The following CCDC85A variants were observed in gnomAD, a reference collection of about 807,000 sequenced individuals.
CCDC85A encodes the protein coiled-coil domain-containing protein 85A.
CCDC85A carries 38 observed loss-of-function variants against 50.2 expected under a neutral mutation model. That is an observed-to-expected ratio of 0.76 (90% CI 0.58 to 0.99). The LOEUF (loss-of-function observed/expected upper bound fraction) is 0.99. CCDC85A is among the 50% of genes least tolerant of loss of function. The pLI is 0.00. For missense variants in CCDC85A, 820 were observed against 742.0 expected, an observed-to-expected ratio of 1.11 and a Z score of -1.22; for synonymous variants, 366 against 301.4, an observed-to-expected ratio of 1.21 and a Z score of -2.22.
intron 2 of CCDC85A, among the ~76,000 whole-genome samples, chr2:56,341,164 C>T (rs1674349458): frequency 6.6e-6 from 1 of 152,090 alleles, no homozygotes; most frequent in South Asian, 2.1e-4. Context: ...GGCATTCTTC[C>T]CTTAGCCGTC....
chr2:56,193,837 T>A (rs563828709), intron 2 of CCDC85A, among the ~76,000 whole-genome samples: 13 of 152,306 alleles, frequency 8.5e-5, no homozygotes, highest in Admixed American at 6.5e-4. Flanking sequence ...GTGGAATGGT[T>A]GCCAAAAGGA....
At chr2:56,311,898 C>G (rs1377354315) in intron 2 of CCDC85A, among the ~76,000 whole-genome samples, 1 of 152,054 alleles carries the variant, frequency 6.6e-6, no homozygotes, top group Non-Finnish European at 1.5e-5. Flanking sequence ...CCAGCACAAA[C>G]CTCCTGAACC....
At chr2:56,350,171 TA>T (rs1251186126) in intron 3 of CCDC85A, among the ~76,000 whole-genome samples, 3 of 123,616 alleles carry the variant, frequency 2.4e-5, no homozygotes, top group East Asian at 2.3e-4. Flanking sequence ...TTTCTTCTCT[TA>T]TTTTTTTTTT....
At position 56,191,000 on chromosome 2, in the gene CCDC85A, TC is replaced by T. The variant is rs965620999; in HGVS notation, c.277-1474del. On this transcript the variant is annotated intron_variant, in intron 1 of 5. Coordinates refer to ENST00000407595, the MANE Select transcript of CCDC85A (RefSeq NM_001080433.2). The stretch of plus-strand genomic sequence containing the variant: ...GCCCTGATGCCTCTCAGACCCCCTT[TC>T]CCATGTCCGTTGACTTGCTCTCTGT... Among the ~76,000 whole-genome samples the T allele has an allele frequency of 4.5e-4, 69 of 152,294 alleles. 1 individual carries two copies. Among genetic ancestry groups the T allele is most frequent in the African/African-American group, 1.6e-3 (67 of 41,548 alleles).
intron 2 of CCDC85A, among the ~76,000 whole-genome samples, chr2:56,268,694 C>G (rs1670565252): frequency 6.6e-6 from 1 of 151,122 alleles, no homozygotes; most frequent in Admixed American, 6.6e-5. Context: ...TTTTCAAAAA[C>G]CTGACATCAT....
intron 2 of CCDC85A, among the ~76,000 whole-genome samples, chr2:56,212,701 C>G (rs1315233929): frequency 6.6e-6 from 1 of 151,990 alleles, no homozygotes; most frequent in African/African-American, 2.4e-5. Flanking sequence ...TGACACATTT[C>G]TTAGTGCCCT....
intron 2 of CCDC85A, among the ~76,000 whole-genome samples, chr2:56,335,244 T>C (rs1674014045): frequency 1.3e-5 from 2 of 152,160 alleles, no homozygotes; most frequent in Admixed American, 1.3e-4. Flanking sequence ...GTAATAATTT[T>C]TAAAATACAC....
chr2:56,193,944 C>T (rs151102120), intron 2 of CCDC85A, among the ~76,000 whole-genome samples: 209 of 152,326 alleles, frequency 1.4e-3, no homozygotes, highest in Non-Finnish European at 2.2e-3. Context: ...CCTAAACAGG[C>T]TTGATGCTGG....
In CCDC85A at chr2:56,384,361, A is replaced by G. The variant is rs566135194; in HGVS notation, c.*6A>G. Reference sequence around the variant, plus strand: ...AGTACAAAGGACCAATGTGAGATGCACTCTTTTTCAAACAGGAGATCACCA... The same window carrying G: ...AGTACAAAGGACCAATGTGAGATGCGCTCTTTTTCAAACAGGAGATCACCA... On this transcript the variant is annotated 3_prime_UTR_variant, in exon 6 of 6. Transcript: ENST00000407595. The G allele has an allele frequency of 1.2e-6, 2 of 1,608,092 alleles. No homozygotes were observed. The highest frequency in any genetic ancestry group is 2.2e-5 in the East Asian group (1 of 44,730).
rs115115467 is a variant in CCDC85A at position 56,305,648 on chromosome 2, A to G, written c.1241-37231A>G. ...AGCAGGATTAGGTTTCAACAATGAC[A>G]CAAGTTTCATTACAGGCAGAATCCA... On this transcript the variant is annotated intron_variant, in intron 2 of 5. Coordinates refer to ENST00000407595, the MANE Select transcript of CCDC85A (RefSeq NM_001080433.2). Among the ~76,000 whole-genome samples, 1,108 of 152,384 alleles carry G rather than the reference A, an allele frequency of 7.3e-3. 24 individuals carry two copies. Among genetic ancestry groups the G allele is most frequent in the African/African-American group, 0.025 (1,035 of 41,604 alleles).
chr2:56,357,633 T>C (rs1456727114), intron 3 of CCDC85A, among the ~76,000 whole-genome samples: 3 of 146,924 alleles, frequency 2.0e-5, no homozygotes, highest in East Asian at 4.0e-4. Context: ...TTGTAGGTCA[T>C]GGAAGGGATA....
intron 2 of CCDC85A, among the ~76,000 whole-genome samples, chr2:56,212,002 AGGAG>A (rs1022105663): frequency 1.1e-4 from 16 of 152,042 alleles, no homozygotes; most frequent in Non-Finnish European, 2.1e-4. Context: ...TACATTACAC[AGGAG>A]GGCCTGTAAT....
chr2:56,332,784 C>T (rs1673879466), intron 2 of CCDC85A, among the ~76,000 whole-genome samples: 1 of 151,456 alleles, frequency 6.6e-6, no homozygotes, highest in Non-Finnish European at 1.5e-5. Flanking sequence ...TTGAATCTGA[C>T]ATCATTTGAG....
chr2:56,356,180 G>A (rs995816561), intron 3 of CCDC85A, among the ~76,000 whole-genome samples: 1 of 152,208 alleles, frequency 6.6e-6, no homozygotes, highest in Non-Finnish European at 1.5e-5. Flanking sequence ...GGGAATGATT[G>A]GTCGTTATGC....
At chr2:56,268,830 A>G (rs958229001) in intron 2 of CCDC85A, among the ~76,000 whole-genome samples, 1 of 152,112 alleles carries the variant, frequency 6.6e-6, no homozygotes. Context: ...AATATATTCT[A>G]TAGAGAGAAT....
At chr2:56,188,398 G>A (rs1161533107) in intron 1 of CCDC85A, among the ~76,000 whole-genome samples, 1 of 152,216 alleles carries the variant, frequency 6.6e-6, no homozygotes, top group African/African-American at 2.4e-5. Context: ...GTGCTGAGAA[G>A]TGTATGTTTC....
chr2:56,292,159 T>G (rs1671742100), intron 2 of CCDC85A, among the ~76,000 whole-genome samples: 1 of 152,186 alleles, frequency 6.6e-6, no homozygotes, highest in Non-Finnish European at 1.5e-5. Flanking sequence ...CTCAGCTCAC[T>G]GTAAGCTCCA....
intron 2 of CCDC85A, among the ~76,000 whole-genome samples, chr2:56,278,905 C>T (rs987637153): frequency 6.6e-6 from 1 of 152,164 alleles, no homozygotes; most frequent in Non-Finnish European, 1.5e-5. Flanking sequence ...TCATTTCTTC[C>T]AGGTTACTTT....
chr2:56,325,606 G>C lies in CCDC85A; in HGVS notation c.1241-17273G>C, dbSNP rs187630635. Among the ~76,000 whole-genome samples the C allele has an allele frequency of 8.5e-5, 13 of 152,188 alleles. No homozygotes were observed. In the East Asian group the frequency reaches 2.5e-3, roughly 29 times the overall value. ...TTTCCTTGGATTCCTCAGTTTTCCA[G>C]AAGAGAGAGAATCCAGGAGAGATTC... On this transcript the variant is annotated intron_variant, in intron 2 of 5. Coordinates refer to ENST00000407595, the MANE Select transcript of CCDC85A (RefSeq NM_001080433.2).
Sources: allele counts gnomAD v4.1 joint callset (sites outside exome capture counted in the v4.1 genomes callset), GRCh38; gene constraint gnomAD v4.1.1; transcripts MANE v1.5; gene names NCBI Gene and HGNC (gene_info 2026-07-23, HGNC 2026-07-21).